The following GRIN2B variants were observed in gnomAD, a reference collection of about 807,000 sequenced individuals.
The protein encoded by GRIN2B is glutamate ionotropic receptor NMDA type subunit 2B.
A neutral mutation model predicts 114.5 loss-of-function variants in GRIN2B; 5 were observed. The ratio of observed to expected loss-of-function variants is 0.04; its 90% CI spans 0.02 to 0.09. GRIN2B has a LOEUF of 0.09. Ranked by LOEUF, GRIN2B falls within the 10% of genes least tolerant of loss-of-function variation. The probability of loss-of-function intolerance (pLI) is 1.00; values close to 1 mark genes in which losing one functional copy is unlikely to be tolerated. For synonymous variants in GRIN2B, 787 were observed against 745.1 expected, an observed-to-expected ratio of 1.06 and a Z score of -0.92; for missense variants, 1,108 against 1,943.5, an observed-to-expected ratio of 0.57 and a Z score of 8.08.
At chr12:13,578,523 A>G (rs1284464221) in intron 10 of GRIN2B, among the ~76,000 whole-genome samples, 1 of 152,160 alleles carries the variant, frequency 6.6e-6, no homozygotes, top group Non-Finnish European at 1.5e-5. Flanking sequence ...ATTAGAGTAA[A>G]GCCATTATGG....
chr12:13,749,176 A>T (rs1017914989), intron 4 of GRIN2B, among the ~76,000 whole-genome samples: 3 of 152,224 alleles, frequency 2.0e-5, no homozygotes, highest in Non-Finnish European at 4.4e-5. Flanking sequence ...ATGCCATAAA[A>T]ATATATTCTT....
intron 3 of GRIN2B, among the ~76,000 whole-genome samples, chr12:13,771,963 G>A (rs187256886): frequency 2.0e-3 from 302 of 152,342 alleles, no homozygotes; most frequent in Middle Eastern, 0.01. Flanking sequence ...TCAGGGCCTG[G>A]TGTGGGTCCC....
intron 5 of GRIN2B, among the ~76,000 whole-genome samples, chr12:13,643,461 A>C (rs1452166098): frequency 6.6e-6 from 1 of 152,112 alleles, no homozygotes; most frequent in Admixed American, 6.6e-5. Context: ...GTGAGTTGTG[A>C]TCTTTTTGCT....
chr12:13,927,056 G>C (rs982761672), intron 2 of GRIN2B, among the ~76,000 whole-genome samples: 2 of 152,030 alleles, frequency 1.3e-5, no homozygotes, highest in African/African-American at 4.8e-5. Context: ...GAGAGCATTT[G>C]AGTGAAAGAT....
intron 2 of GRIN2B, among the ~76,000 whole-genome samples, chr12:13,879,107 A>G (rs1866032703): frequency 6.6e-6 from 1 of 152,152 alleles, no homozygotes; most frequent in African/African-American, 2.4e-5. Flanking sequence ...AGGAAATACA[A>G]TCATGCGTGG....
chr12:13,777,480 C>T (rs1168255887), intron 3 of GRIN2B, among the ~76,000 whole-genome samples: 2 of 152,102 alleles, frequency 1.3e-5, no homozygotes, highest in Non-Finnish European at 2.9e-5. Flanking sequence ...AAGGAGGTCA[C>T]TATCCACACT....
rs1337812076 is a variant in GRIN2B, at chr12:13,561,400, C to T, written c.*1383G>A. 1 of 152,492 alleles carries T rather than the reference C, an allele frequency of 6.6e-6. No individual in the cohort carries two copies. The highest frequency in any genetic ancestry group is 1.9e-4 in the East Asian group (1 of 5,140). 9.4% of individuals were successfully genotyped at this position (152,492 alleles called of 1,614,324 possible). A position where few individuals can be genotyped will look rare whatever the true frequency, so the allele number is the denominator to read the frequency against. On this transcript the variant is annotated 3_prime_UTR_variant, in exon 14 of 14. Transcript: ENST00000609686. ...CTCTTTTCGTACCTCCAGAGCTGCA[C>T]TCATGGAGTGCAGCTCATTTCTCTT...
At chr12:13,766,666 G>A (rs1173812695) in intron 3 of GRIN2B, among the ~76,000 whole-genome samples, 1 of 152,144 alleles carries the variant, frequency 6.6e-6, no homozygotes, top group Non-Finnish European at 1.5e-5. Context: ...AGATTAATAT[G>A]ACAGGACTTG....
chr12:13,617,200 G>A (rs1384105612), intron 5 of GRIN2B, among the ~76,000 whole-genome samples: 1 of 152,206 alleles, frequency 6.6e-6, no homozygotes, highest in Non-Finnish European at 1.5e-5. Flanking sequence ...AGAGCTAGGT[G>A]GATCTAAATT....
At chr12:13,680,523 G>C (rs964747002) in intron 4 of GRIN2B, among the ~76,000 whole-genome samples, 9 of 150,286 alleles carry the variant, frequency 6.0e-5, no homozygotes, top group African/African-American at 2.2e-4. Context: ...AATGTAGTTT[G>C]AACCTTAAGA....
intron 2 of GRIN2B, among the ~76,000 whole-genome samples, chr12:13,963,214 G>C (rs1867728525): frequency 6.6e-6 from 1 of 152,036 alleles, no homozygotes; most frequent in African/African-American, 2.4e-5. Context: ...CCAGCCCCCA[G>C]GTCTCTCTGG....
At chr12:13,842,718 G>A (rs1455380655) in intron 3 of GRIN2B, among the ~76,000 whole-genome samples, 1 of 152,020 alleles carries the variant, frequency 6.6e-6, no homozygotes, top group Non-Finnish European at 1.5e-5. Context: ...TGAAAAGTAG[G>A]CTAACTTCTA....
In GRIN2B at chr12:13,734,435, C is replaced by T. The variant is rs187264879; in HGVS notation, c.1010+18882G>A. ...ATTATAAAGCCCGAGACCATGGGAA[C>T]GCTTTATGTGCACATAGCAAATGCT... is the stretch of plus-strand genomic sequence containing the variant. On this transcript the variant is annotated intron_variant, in intron 4 of 13. Coordinates refer to ENST00000609686, the MANE Select transcript of GRIN2B (RefSeq NM_000834.5). 2.7e-3 allele frequency among the ~76,000 whole-genome samples: 413 copies of T among 152,264 alleles called. 1 individual carries two copies. Among genetic ancestry groups the T allele is most frequent in the Non-Finnish European group, 4.2e-3 (284 of 68,022 alleles).
intron 2 of GRIN2B, among the ~76,000 whole-genome samples, chr12:13,931,566 T>A (rs1867031850): frequency 6.6e-6 from 1 of 152,108 alleles, no homozygotes; most frequent in African/African-American, 2.4e-5. Flanking sequence ...TGGCGTTAAA[T>A]ACCATCTCTA....
chr12:13,952,277 C>T (rs866640719), intron 2 of GRIN2B, among the ~76,000 whole-genome samples: 6 of 152,084 alleles, frequency 3.9e-5, no homozygotes, highest in African/African-American at 1.4e-4. Context: ...CTGAAGCACT[C>T]GATTCTAGAA....
intron 10 of GRIN2B, among the ~76,000 whole-genome samples, chr12:13,582,267 T>C (rs1565462092): frequency 6.6e-6 from 1 of 152,200 alleles, no homozygotes; most frequent in Admixed American, 6.6e-5. Flanking sequence ...TATATTTCAT[T>C]ATAAAGTGTT....
intron 3 of GRIN2B, among the ~76,000 whole-genome samples, chr12:13,762,301 C>T (rs1863694385): frequency 6.6e-6 from 1 of 152,228 alleles, no homozygotes; most frequent in African/African-American, 2.4e-5. Context: ...CCGCGCCCAG[C>T]CATCATTTCT....
At chr12:13,915,242 A>G (rs1339125901) in intron 2 of GRIN2B, among the ~76,000 whole-genome samples, 4 of 152,322 alleles carry the variant, frequency 2.6e-5, no homozygotes, top group African/African-American at 9.6e-5. Context: ...AAATAAGGTA[A>G]CAAAGCCAAA....
intron 8 of GRIN2B, among the ~76,000 whole-genome samples, chr12:13,613,836 C>T (rs1949397795): frequency 6.6e-6 from 1 of 152,062 alleles, no homozygotes; most frequent in Non-Finnish European, 1.5e-5. Flanking sequence ...TAACTAACTG[C>T]TCCTCCTCTG....
Sources: gnomAD v4.1 joint callset for allele counts (sites outside exome capture counted in the v4.1 genomes callset) on GRCh38, gnomAD v4.1.1 for gene constraint, MANE v1.5 for transcripts, NCBI Gene and HGNC (gene_info 2026-07-23, HGNC 2026-07-21) for gene names.